ZFAND6: variants seen among roughly 807,000 people sequenced by gnomAD.
ZFAND6 encodes the protein zinc finger AN1-type containing 6.
In ZFAND6, 12 loss-of-function variants were observed where a neutral mutation model predicts 24.5. The ratio of observed to expected loss-of-function variants is 0.49; its 90% CI spans 0.31 to 0.79. The LOEUF (loss-of-function observed/expected upper bound fraction) is 0.79, where lower values mean the gene tolerates loss of function less well. ZFAND6 is among the 30% of genes least tolerant of loss of function. The pLI, the probability that ZFAND6 is intolerant of heterozygous loss-of-function variation, is 0.04. For missense variants in ZFAND6, 207 were observed against 245.9 expected, an observed-to-expected ratio of 0.84 and a Z score of 1.06; for synonymous variants, 92 against 81.5, an observed-to-expected ratio of 1.13 and a Z score of -0.69.
intron 1 of ZFAND6, among the ~76,000 whole-genome samples, chr15:80,095,422 TAC>T (rs746039863): frequency 3.0e-4 from 45 of 152,244 alleles, no homozygotes; most frequent in Non-Finnish European, 6.5e-4. Flanking sequence ...CAGGTTCCTC[TAC>T]TTAAGTTAAT....
At position 80,131,302 on chromosome 15, in the gene ZFAND6, C is replaced by G. The variant is rs2040591915; in HGVS notation, c.478+9C>G. 1 of 1,605,144 alleles carries G rather than the reference C, an allele frequency of 6.2e-7. No individual in the cohort carries two copies. Among genetic ancestry groups the G allele is most frequent in the African/African-American group, 1.3e-5 (1 of 74,680 alleles). On this transcript the variant is annotated intron_variant, in intron 6 of 6. Transcript: ENST00000261749. ...GAAAGTGGGACTTACTGGTAAGGAC[C>G]TAAATCAAATGTTTAAAATTAAAAT...
intron 1 of ZFAND6, among the ~76,000 whole-genome samples, chr15:80,089,904 G>C (rs1395053135): frequency 6.6e-6 from 1 of 152,118 alleles, no homozygotes; most frequent in Non-Finnish European, 1.5e-5. Context: ...GCACTATGTA[G>C]AATCATGGTA....
At chr15:80,099,634 T>TTTTTTTTTTC (rs1555431664) in intron 2 of ZFAND6, among the ~76,000 whole-genome samples, 25 of 148,696 alleles carry the variant, frequency 1.7e-4, no homozygotes, top group African/African-American at 5.1e-4. Context: ...TTTTTTTTTT[T>TTTTTTTTTTC]CGAGACGGAG....
chr15:80,097,465 T>C (rs1398978002), intron 1 of ZFAND6, among the ~76,000 whole-genome samples: 1 of 152,046 alleles, frequency 6.6e-6, no homozygotes, highest in Non-Finnish European at 1.5e-5. Context: ...CCTGCCGATA[T>C]GGTGAAACTC....
chr15:80,123,865 A>T (rs564696219), intron 5 of ZFAND6, among the ~76,000 whole-genome samples: 4 of 151,920 alleles, frequency 2.6e-5, no homozygotes, highest in African/African-American at 9.7e-5. Context: ...CACCAGAGCA[A>T]TTCCCCCACA....
chr15:80,110,850 G>T (rs2039571453), intron 2 of ZFAND6, among the ~76,000 whole-genome samples: 1 of 152,144 alleles, frequency 6.6e-6, no homozygotes, highest in African/African-American at 2.4e-5. Flanking sequence ...TAGATGGATT[G>T]CAGATCTAAA....
chr15:80,119,847 A>G (rs2040069033), intron 2 of ZFAND6, among the ~76,000 whole-genome samples: 1 of 152,230 alleles, frequency 6.6e-6, no homozygotes, highest in Non-Finnish European at 1.5e-5. Flanking sequence ...AGTTCTCCAT[A>G]TCTTCACCAG....
rs2037262775 is a variant in ZFAND6 at position 80,076,170 on chromosome 15, A to G, written c.-181+16361A>G. 1.3e-5 allele frequency among the ~76,000 whole-genome samples: 2 copies of G among 152,058 alleles called. 1 individual carries two copies. The highest frequency in any genetic ancestry group is 1.3e-4 in the Admixed American group (2 of 15,256). On this transcript the variant is annotated intron_variant, in intron 1 of 6. Coordinates refer to ENST00000261749, the MANE Select transcript of ZFAND6 (RefSeq NM_019006.4). ...CCAGTCCCATATCTTTAATTAGCATACTATACATATTAATGGTTCCAACGT... is the reference window on the plus strand; with the variant it reads ...CCAGTCCCATATCTTTAATTAGCATGCTATACATATTAATGGTTCCAACGT...
At chr15:80,065,745 G>A (rs1381804674) in intron 1 of ZFAND6, among the ~76,000 whole-genome samples, 2 of 151,354 alleles carry the variant, frequency 1.3e-5, no homozygotes, top group African/African-American at 2.4e-5. Flanking sequence ...GGGTTTCATC[G>A]TGTTGGCCAA....
chr15:80,067,058 T>C (rs951996869), intron 1 of ZFAND6, among the ~76,000 whole-genome samples: 9 of 152,192 alleles, frequency 5.9e-5, no homozygotes, highest in African/African-American at 2.2e-4. Context: ...AGAGAACTGC[T>C]GGCACAAATG....
At chr15:80,103,487 C>G (rs766485883) in intron 2 of ZFAND6, among the ~76,000 whole-genome samples, 3 of 152,148 alleles carry the variant, frequency 2.0e-5, no homozygotes, top group Admixed American at 1.3e-4. Flanking sequence ...TTGTAACTAG[C>G]GGCCTAGATA....
intron 1 of ZFAND6, among the ~76,000 whole-genome samples, chr15:80,080,248 C>T (rs569280082): frequency 7.2e-5 from 11 of 152,126 alleles, no homozygotes; most frequent in African/African-American, 1.7e-4. Flanking sequence ...CCACCCACTT[C>T]GGCCTCCCAA....
intron 1 of ZFAND6, among the ~76,000 whole-genome samples, chr15:80,091,049 G>A (rs1460925487): frequency 6.6e-6 from 1 of 152,106 alleles, no homozygotes; most frequent in East Asian, 1.9e-4. Context: ...AGAAGATATG[G>A]TCACCATAGG....
chr15:80,095,774 CTTTA>C (rs1033079061), intron 1 of ZFAND6, among the ~76,000 whole-genome samples: 4 of 152,148 alleles, frequency 2.6e-5, no homozygotes, highest in African/African-American at 4.8e-5. Flanking sequence ...GATGAGCCTG[CTTTA>C]TTTGTGTCTC....
At chr15:80,097,073 C>T (rs913468356) in intron 1 of ZFAND6, among the ~76,000 whole-genome samples, 1 of 150,340 alleles carries the variant, frequency 6.7e-6, no homozygotes, top group Non-Finnish European at 1.5e-5. Context: ...GATCTCAGCA[C>T]ACTGCAACCT....
intron 1 of ZFAND6, among the ~76,000 whole-genome samples, chr15:80,077,397 A>T (rs757111131): frequency 2.6e-5 from 4 of 152,216 alleles, no homozygotes; most frequent in Non-Finnish European, 2.9e-5. Flanking sequence ...AATCATTTTC[A>T]TTTAAAATAT....
At chr15:80,133,595 A>T (rs1371249025) in intron 6 of ZFAND6, among the ~76,000 whole-genome samples, 2 of 152,202 alleles carry the variant, frequency 1.3e-5, no homozygotes, top group African/African-American at 4.8e-5. Context: ...AAACTACATT[A>T]AGAAAGTTCC....
chr15:80,081,260 TAGTC>T (rs1468902068), intron 1 of ZFAND6, among the ~76,000 whole-genome samples: 9 of 152,232 alleles, frequency 5.9e-5, no homozygotes, highest in African/African-American at 1.4e-4. Flanking sequence ...CCTAGTCAGA[TAGTC>T]AGACTAGTTA....
rs201758936 is a variant in ZFAND6 at position 80,122,645 on chromosome 15, G to A, written c.264-55G>A. The A allele has an allele frequency of 7.2e-6, 8 of 1,116,622 alleles. No individual in the cohort carries two copies. In the East Asian group the frequency reaches 1.9e-4, roughly 26 times the overall value. 69.2% of individuals were successfully genotyped at this position (1,116,622 alleles called of 1,614,324 possible). A position where few individuals can be genotyped will look rare whatever the true frequency, so the allele number is the denominator to read the frequency against. On this transcript the variant is annotated intron_variant, in intron 4 of 6. Transcript: ENST00000261749. ...GTTGAACTCTTACTGTGTCACATTA[G>A]TTAATATTCATGTGTAGAGATCACC... is the stretch of plus-strand genomic sequence containing the variant.
Sources: gnomAD v4.1 joint callset for allele counts (sites outside exome capture counted in the v4.1 genomes callset) on GRCh38, gnomAD v4.1.1 for gene constraint, MANE v1.5 for transcripts, NCBI Gene and HGNC (gene_info 2026-07-23, HGNC 2026-07-21) for gene names.